The following PHIP variants were observed in gnomAD, a reference collection of about 807,000 sequenced individuals.
PHIP encodes PH-interacting protein.
In PHIP, 54 loss-of-function variants were observed where a neutral mutation model predicts 236.8. The observed-to-expected ratio is 0.23, with a 90% confidence interval of 0.18 to 0.29. The LOEUF is 0.29. PHIP is among the 10% of genes least tolerant of loss of function. PHIP has a pLI of 1.00. For missense variants in PHIP, 1,370 were observed against 2,190.8 expected (o/e 0.63, Z 7.48); for synonymous variants, 756 against 718.9 (o/e 1.05, Z -0.83).
At chr6:79,001,426 T>G (rs1769988668) in intron 17 of PHIP, among the ~76,000 whole-genome samples, 1 of 152,126 alleles carries the variant, frequency 6.6e-6, no homozygotes, top group Non-Finnish European at 1.5e-5. Context: ...CTCTCTCACA[T>G]CATGCTATTA....
In PHIP at chr6:79,036,437, C is replaced by T. The variant is rs147957591; in HGVS notation, c.600+6406G>A. The stretch of plus-strand genomic sequence containing the variant: ...CTCTTTTCCATTATTATCAAACATG[C>T]TAAATGCTCACTATTGCTTCTAAAC... On this transcript the variant is annotated intron_variant, in intron 7 of 39. Transcript: ENST00000275034. Among the ~76,000 whole-genome samples the T allele has an allele frequency of 6.3e-4, 96 of 152,250 alleles. 1 individual carries two copies. The South Asian group carries it at 7.9e-3, about 12-fold the overall frequency.
In PHIP at chr6:78,937,786, G is replaced by C. The variant is rs539506801; in HGVS notation, c.*2907C>G. 3 of 151,868 alleles carry C rather than the reference G, an allele frequency of 2.0e-5. No homozygotes were observed. The South Asian group carries it at 6.2e-4, about 31-fold the overall frequency. The allele number at this position is 151,868 out of a possible 1,614,324, so 9.4% of individuals were successfully genotyped here. A position where few individuals can be genotyped will look rare whatever the true frequency, so the allele number is the denominator to read the frequency against. ...ATGTATCTATTGCCCAGGGCTGTGA[G>C]TCTCTGATTAGACTAAATATTTAAA... On this transcript the variant is annotated 3_prime_UTR_variant, in exon 40 of 40. Transcript: ENST00000275034.
chr6:78,986,053 T>C (rs983621340), intron 21 of PHIP, among the ~76,000 whole-genome samples: 1 of 152,168 alleles, frequency 6.6e-6, no homozygotes, highest in Non-Finnish European at 1.5e-5. Context: ...TTGAAATTAA[T>C]TTTTACTTCT....
chr6:79,022,605 A>C (rs1771175098), intron 9 of PHIP, among the ~76,000 whole-genome samples: 1 of 152,180 alleles, frequency 6.6e-6, no homozygotes, highest in Non-Finnish European at 1.5e-5. Context: ...GCGCCTAATA[A>C]TCACAAATAA....
At chr6:79,029,548 T>A (rs1771564681) in intron 7 of PHIP, among the ~76,000 whole-genome samples, 1 of 152,216 alleles carries the variant, frequency 6.6e-6, no homozygotes, top group Admixed American at 6.5e-5. Context: ...CTTATTTACT[T>A]TGAGACAGTC....
intron 7 of PHIP, among the ~76,000 whole-genome samples, chr6:79,027,317 C>A (rs1200012046): frequency 6.6e-6 from 1 of 152,122 alleles, no homozygotes; most frequent in Admixed American, 6.5e-5. Context: ...TCTGATTAAG[C>A]TTTGGAGTAA....
chr6:79,077,315 C>T (rs1774220565), intron 4 of PHIP, 133 bp downstream of exon 4: 3 of 880,468 alleles, frequency 3.4e-6, no homozygotes, highest in East Asian at 5.6e-5. Context: ...CGCCGGCCTC[C>T]CAACCCTCCC....
chr6:78,948,123 ATAC>A (rs1773929735), intron 35 of PHIP, among the ~76,000 whole-genome samples: 1 of 152,200 alleles, frequency 6.6e-6, no homozygotes, highest in Non-Finnish European at 1.5e-5. Flanking sequence ...TCAAAACTTT[ATAC>A]TACTTATAAA....
At chr6:79,077,034 A>T (rs577385963) in intron 4 of PHIP, among the ~76,000 whole-genome samples, 87 of 152,220 alleles carry the variant, frequency 5.7e-4, no homozygotes, top group Non-Finnish European at 1.1e-3. Context: ...AGGGCAGGAG[A>T]AAGCCGAGCC....
chr6:78,997,327 A>T, intron 19 of PHIP, 87 bp downstream of exon 19: 1 of 1,153,022 alleles, frequency 8.7e-7, no homozygotes, highest in Non-Finnish European at 1.3e-6. Flanking sequence ...GAGGAATTAC[A>T]GAGCTGAAAA....
At chr6:78,976,256 G>C (rs1249369126) in intron 24 of PHIP, among the ~76,000 whole-genome samples, 3 of 147,024 alleles carry the variant, frequency 2.0e-5, no homozygotes, top group East Asian at 2.1e-4. Flanking sequence ...ACAAACCTGA[G>C]AAAAACAAGC....
intron 6 of PHIP, among the ~76,000 whole-genome samples, chr6:79,054,605 C>T (rs1772977127): frequency 6.6e-6 from 1 of 150,870 alleles, no homozygotes; most frequent in Admixed American, 6.6e-5. Context: ...CTATAATTTG[C>T]TGAATTATAT....
intron 3 of PHIP, 38 bp downstream of exon 3, chr6:79,077,662 C>CGCG (rs1190399068): frequency 2.1e-6 from 2 of 966,562 alleles, no homozygotes; most frequent in African/African-American, 3.6e-5. Context: ...GAGGCGGCCG[C>CGCG]GCGGCGGCGG....
rs751032980 is a variant in PHIP, at chr6:79,077,850, C to G, written c.99+5G>C. The stretch of plus-strand genomic sequence containing the variant: ...CGGCCCGGCCCGCGCCGCGCGCCGC[C>G]GTACCTGAGCCGCCTGCTGACAGGG... On this transcript the variant is annotated splice_donor_5th_base_variant and intron_variant, in intron 2 of 39. Transcript: ENST00000275034. The G allele has an allele frequency of 3.3e-6, 5 of 1,499,108 alleles. No homozygotes were observed. The African/African-American group carries it at 4.4e-5, about 13-fold the overall frequency. 92.9% of individuals were successfully genotyped at this position (1,499,108 alleles called of 1,614,324 possible). A position where few individuals can be genotyped will look rare whatever the true frequency, so the allele number is the denominator to read the frequency against.
intron 9 of PHIP, among the ~76,000 whole-genome samples, chr6:79,023,915 G>C (rs1435001761): frequency 1.3e-5 from 2 of 152,180 alleles, no homozygotes; most frequent in Non-Finnish European, 2.9e-5. Flanking sequence ...GACAGGAAAA[G>C]AGAAAGGTAT....
intron 35 of PHIP, among the ~76,000 whole-genome samples, chr6:78,953,040 T>G (rs762645804): frequency 3.3e-5 from 5 of 152,086 alleles, no homozygotes; most frequent in African/African-American, 7.2e-5. Context: ...TATATAGGTG[T>G]TGTTTTTTTT....
At chr6:79,010,710 G>C (rs1470817934) in intron 15 of PHIP, among the ~76,000 whole-genome samples, 1 of 151,790 alleles carries the variant, frequency 6.6e-6, no homozygotes, top group Non-Finnish European at 1.5e-5. Flanking sequence ...AAAACCGCCA[G>C]AAACATGAGG....
Position 78,945,316 on chromosome 6 carries a change from T to C in PHIP, c.4812A>G (p.Ser1604=). The C allele has an allele frequency of 6.2e-7, 1 of 1,610,134 alleles. No individual in the cohort carries two copies. The highest frequency in any genetic ancestry group is 8.5e-7 in the Non-Finnish European group (1 of 1,176,308). The change falls in exon 39 of 40, where the codon TCA becomes TCG. Residue 1604 remains serine, a synonymous_variant. Coordinates refer to ENST00000275034, the MANE Select transcript of PHIP (RefSeq NM_017934.7). Reference sequence around the variant, plus strand: ...ATACCTTACCTTGCTCAATGACAGCTGATGACTTTGAAAGAGTGGACGCCT... The same window carrying C: ...ATACCTTACCTTGCTCAATGACAGCCGATGACTTTGAAAGAGTGGACGCCT... ...LPKASTLSKS[S]AVIEQGDCKN... is the part of the protein sequence containing the mutation.
At chr6:79,027,632 C>T (rs930081648) in intron 7 of PHIP, among the ~76,000 whole-genome samples, 4 of 152,112 alleles carry the variant, frequency 2.6e-5, no homozygotes, top group African/African-American at 7.2e-5. Context: ...AATGTGATAA[C>T]GTCCTATGTA....
Sources: allele counts gnomAD v4.1 joint callset (sites outside exome capture counted in the v4.1 genomes callset), GRCh38; gene constraint gnomAD v4.1.1; transcripts MANE v1.5; gene names NCBI Gene and HGNC (gene_info 2026-07-23, HGNC 2026-07-21).